The following CNTNAP5 variants were observed in gnomAD, a reference collection of about 807,000 sequenced individuals.
The protein encoded by CNTNAP5 is contactin associated protein family member 5.
In CNTNAP5, 72 loss-of-function variants were observed where a neutral mutation model predicts 150.2. The observed-to-expected ratio is 0.48, with a 90% confidence interval of 0.40 to 0.58. CNTNAP5 has a LOEUF of 0.58. Ranked by LOEUF, CNTNAP5 falls within the 20% of genes least tolerant of loss-of-function variation. The pLI, the probability that CNTNAP5 is intolerant of heterozygous loss-of-function variation, is 0.00. For missense variants in CNTNAP5, 1,636 were observed against 1,626.2 expected (o/e 1.01, Z -0.10); for synonymous variants, 672 against 619.8 (o/e 1.08, Z -1.25).
chr2:124,826,762 C>T (rs1395641675), intron 19 of CNTNAP5, among the ~76,000 whole-genome samples: 1 of 152,120 alleles, frequency 6.6e-6, no homozygotes, highest in East Asian at 1.9e-4. Context: ...TATAGCCAGA[C>T]ACTATTTCTG....
chr2:124,422,716 C>A (rs1175479192), intron 4 of CNTNAP5, among the ~76,000 whole-genome samples: 1 of 152,204 alleles, frequency 6.6e-6, no homozygotes, highest in Non-Finnish European at 1.5e-5. Context: ...CAAAGTTTAG[C>A]TGTTGACTGG....
chr2:124,588,343 C>T (rs1359544193), intron 11 of CNTNAP5, among the ~76,000 whole-genome samples: 1 of 151,788 alleles, frequency 6.6e-6, no homozygotes, highest in Non-Finnish European at 1.5e-5. Context: ...ACTTCCAGAT[C>T]CCTATCCCCA....
At chr2:124,275,426 T>C (rs1687861679) in intron 3 of CNTNAP5, among the ~76,000 whole-genome samples, 1 of 152,134 alleles carries the variant, frequency 6.6e-6, no homozygotes, top group Admixed American at 6.6e-5. Context: ...TGCCTGCTTA[T>C]GAACCACAAA....
intron 1 of CNTNAP5, among the ~76,000 whole-genome samples, chr2:124,167,398 C>G (rs1373980900): frequency 6.6e-6 from 1 of 152,152 alleles, no homozygotes; most frequent in East Asian, 1.9e-4. Context: ...AATATTAACT[C>G]CACTTATCAC....
At chr2:124,714,495 T>A (rs1482635746) in intron 13 of CNTNAP5, among the ~76,000 whole-genome samples, 1 of 152,072 alleles carries the variant, frequency 6.6e-6, no homozygotes, top group Non-Finnish European at 1.5e-5. Context: ...TCCATGTGTC[T>A]CATAGTGTTA....
rs573552258 is a variant in CNTNAP5 at position 124,199,751 on chromosome 2, CT to C, written c.83-21949del. Among the ~76,000 whole-genome samples, 512 of 152,250 alleles carry C rather than the reference CT, an allele frequency of 3.4e-3. 7 individuals carry two copies. The highest frequency in any genetic ancestry group is 5.9e-3 in the Non-Finnish European group (404 of 68,004). On this transcript the variant is annotated intron_variant, in intron 1 of 23. Transcript: ENST00000682447. Reference sequence around the variant, plus strand: ...GTTCTTAAAGCTACCATGAATTTCCCTTTTTAAAATCACCTTTTCAATTATT... The same window carrying C: ...GTTCTTAAAGCTACCATGAATTTCCCTTTTAAAATCACCTTTTCAATTATT...
chr2:124,087,563 A>C (rs1682719954), intron 1 of CNTNAP5, among the ~76,000 whole-genome samples: 1 of 151,756 alleles, frequency 6.6e-6, no homozygotes. Context: ...TTCTACTAAA[A>C]ATACAAAAAT....
intron 3 of CNTNAP5, among the ~76,000 whole-genome samples, chr2:124,365,422 A>G (rs1281444792): frequency 1.3e-5 from 2 of 152,214 alleles, no homozygotes; most frequent in African/African-American, 2.4e-5. Context: ...ATTCACATTA[A>G]CATGTTAGGA....
intron 19 of CNTNAP5, among the ~76,000 whole-genome samples, chr2:124,851,735 C>T (rs1683160648): frequency 6.6e-6 from 1 of 152,102 alleles, no homozygotes; most frequent in African/African-American, 2.4e-5. Flanking sequence ...ATATGGTCGC[C>T]TTAGCCAATA....
At chr2:124,630,229 C>G (rs1677822497) in intron 12 of CNTNAP5, among the ~76,000 whole-genome samples, 1 of 152,116 alleles carries the variant, frequency 6.6e-6, no homozygotes, top group Non-Finnish European at 1.5e-5. Context: ...TTTTATGACA[C>G]CAGCATAATC....
At position 124,914,132 on chromosome 2, in the gene CNTNAP5, C is replaced by T. The variant is rs374804076; in HGVS notation, c.3768C>T (p.Ile1256=). 2.7e-5 allele frequency: 44 copies of T among 1,612,318 alleles called. No homozygotes were observed. Among genetic ancestry groups the T allele is most frequent in the South Asian group, 4.4e-5 (4 of 91,036 alleles). ...AVVIFIIFCI[I]GIMTRFLYQH... ...TGATATTCATCATCTTCTGTATCAT[C>T]GGCATCATGACCCGGTTCCTCTACC... The change falls in exon 24 of 24, where the codon ATC becomes ATT. Residue 1256 remains isoleucine, a synonymous_variant. Transcript: ENST00000682447.
intron 3 of CNTNAP5, among the ~76,000 whole-genome samples, chr2:124,250,336 G>A (rs1168411872): frequency 1.3e-5 from 2 of 152,062 alleles, no homozygotes; most frequent in Admixed American, 6.6e-5. Flanking sequence ...GCAACAGTGC[G>A]TAAACTTTAA....
chr2:124,359,170 T>C (rs1017448595), intron 3 of CNTNAP5, among the ~76,000 whole-genome samples: 1 of 152,194 alleles, frequency 6.6e-6, no homozygotes, highest in Admixed American at 6.5e-5. Context: ...TCATTTTTTA[T>C]TGTGTCTATT....
chr2:124,884,846 A>G (rs192568624), intron 21 of CNTNAP5, among the ~76,000 whole-genome samples: 7 of 152,058 alleles, frequency 4.6e-5, no homozygotes, highest in African/African-American at 1.7e-4. Context: ...TCATTTTCCA[A>G]GCAGTATAGT....
At chr2:124,779,493 C>T (rs1439418577) in intron 17 of CNTNAP5, among the ~76,000 whole-genome samples, 6 of 152,166 alleles carry the variant, frequency 3.9e-5, no homozygotes, top group Non-Finnish European at 5.9e-5. Flanking sequence ...GTATATTTTT[C>T]GTGCAACTTA....
At chr2:124,179,185 C>A (rs1048378298) in intron 1 of CNTNAP5, among the ~76,000 whole-genome samples, 1 of 151,928 alleles carries the variant, frequency 6.6e-6, no homozygotes, top group East Asian at 1.9e-4. Context: ...GATATGGAGT[C>A]TTGCTCTGTG....
At chr2:124,118,224 C>A (rs1374410742) in intron 1 of CNTNAP5, among the ~76,000 whole-genome samples, 2 of 152,030 alleles carry the variant, frequency 1.3e-5, no homozygotes, top group Non-Finnish European at 2.9e-5. Context: ...CACACACACA[C>A]CCATGTTATA....
intron 1 of CNTNAP5, among the ~76,000 whole-genome samples, chr2:124,130,093 T>C (rs1683810137): frequency 6.6e-6 from 1 of 152,214 alleles, no homozygotes; most frequent in African/African-American, 2.4e-5. Flanking sequence ...AATCTCTCTC[T>C]GATTTCCTTT....
chr2:124,730,620 C>A (rs1023337436), intron 13 of CNTNAP5, among the ~76,000 whole-genome samples: 3 of 151,874 alleles, frequency 2.0e-5, no homozygotes, highest in African/African-American at 4.8e-5. Context: ...TTGATTTCAT[C>A]TGTTTTTTGT....
Sources: allele counts gnomAD v4.1 joint callset (sites outside exome capture counted in the v4.1 genomes callset), GRCh38; gene constraint gnomAD v4.1.1; transcripts MANE v1.5; gene names NCBI Gene and HGNC (gene_info 2026-07-23, HGNC 2026-07-21).